The following SYT1 variants were observed in gnomAD, a reference collection of about 807,000 sequenced individuals.
SYT1 encodes synaptotagmin 1.
A neutral mutation model predicts 44.8 loss-of-function variants in SYT1; 8 were observed. That is an observed-to-expected ratio of 0.18 (90% CI 0.10 to 0.32). The LOEUF is 0.32. Ranked by LOEUF, SYT1 falls within the 10% of genes least tolerant of loss-of-function variation. The pLI is 1.00. For synonymous variants in SYT1, 154 were observed against 188.8 expected (o/e 0.82, Z 1.51); for missense variants, 286 against 509.3 (o/e 0.56, Z 4.22).
rs10643941 is a variant in SYT1, at chr12:79,179,456, A to AGAG, written c.-17-38047_-17-38046insGAG. Among the ~76,000 whole-genome samples the AGAG allele has an allele frequency of 1.0e-4, 9 of 86,684 alleles. 1 individual carries two copies. Among genetic ancestry groups the AGAG allele is most frequent in the Non-Finnish European group, 1.5e-4 (7 of 46,524 alleles). The allele number at this position is 86,684 out of a possible 152,430, so 56.9% of individuals were successfully genotyped here. A position where few individuals can be genotyped will look rare whatever the true frequency, so the allele number is the denominator to read the frequency against. ...GATATATCCATATAGATATAGATAT[A>AGAG]ATCTATATAGATATAGATATAGAGA... On this transcript the variant is annotated intron_variant, in intron 3 of 10. Transcript: ENST00000261205.
chr12:78,923,607 A>C (rs575455978), intron 1 of SYT1, among the ~76,000 whole-genome samples: 9 of 152,020 alleles, frequency 5.9e-5, no homozygotes, highest in African/African-American at 2.2e-4. Context: ...CAGAATAGAG[A>C]CAAGAATTGT....
At chr12:79,138,639 T>C (rs1395829199) in intron 3 of SYT1, among the ~76,000 whole-genome samples, 2 of 151,706 alleles carry the variant, frequency 1.3e-5, no homozygotes, top group Non-Finnish European at 2.9e-5. Flanking sequence ...CACATACATA[T>C]TATTTGTGTG....
rs368104245 is a variant in SYT1, at chr12:79,104,551, T to C, written c.-18+57189T>C. On this transcript the variant is annotated intron_variant, in intron 3 of 10. Coordinates refer to ENST00000261205, the MANE Select transcript of SYT1 (RefSeq NM_005639.3). ...TTTAATTTGGATCCTGAAGTATTAG[T>C]AGGCTATTAATAGGCAAGGATCTCT... Among the ~76,000 whole-genome samples, 3 of 152,058 alleles carry C rather than the reference T, an allele frequency of 2.0e-5. No homozygotes were observed. In the East Asian group the frequency reaches 5.8e-4, roughly 29 times the overall value.
chr12:79,013,814 T>C (rs888410430), intron 2 of SYT1, among the ~76,000 whole-genome samples: 1 of 152,118 alleles, frequency 6.6e-6, no homozygotes, highest in Non-Finnish European at 1.5e-5. Flanking sequence ...GATTCTATCA[T>C]TATGTCCATT....
At chr12:79,187,399 C>G (rs1872865143) in intron 3 of SYT1, among the ~76,000 whole-genome samples, 1 of 152,080 alleles carries the variant, frequency 6.6e-6, no homozygotes, top group Admixed American at 6.6e-5. Flanking sequence ...AGCACCTCCA[C>G]TTTCTTTTTC....
intron 8 of SYT1, among the ~76,000 whole-genome samples, chr12:79,327,581 GA>G (rs1221424916): frequency 6.6e-6 from 1 of 152,196 alleles, no homozygotes; most frequent in Non-Finnish European, 1.5e-5. Context: ...ACCAGCAAAG[GA>G]AATGGCTTAT....
intron 3 of SYT1, among the ~76,000 whole-genome samples, chr12:79,157,195 A>T (rs771706517): frequency 7.2e-5 from 11 of 152,212 alleles, no homozygotes; most frequent in Non-Finnish European, 1.5e-4. Context: ...GTCACGCAAG[A>T]CAAAGTGAAC....
At chr12:79,121,586 AC>A (rs1255379438) in intron 3 of SYT1, among the ~76,000 whole-genome samples, 2 of 151,878 alleles carry the variant, frequency 1.3e-5, no homozygotes, top group African/African-American at 4.8e-5. Context: ...AACCACAATC[AC>A]CCCCTCACCC....
At chr12:79,160,695 A>G (rs1277904146) in intron 3 of SYT1, among the ~76,000 whole-genome samples, 1 of 152,142 alleles carries the variant, frequency 6.6e-6, no homozygotes, top group Non-Finnish European at 1.5e-5. Flanking sequence ...TGACCCAAGA[A>G]TAGTTGAAAA....
chr12:78,964,981 A>C (rs570363040), intron 1 of SYT1, among the ~76,000 whole-genome samples: 1 of 152,148 alleles, frequency 6.6e-6, no homozygotes, highest in East Asian at 1.9e-4. Flanking sequence ...TTTATTATTA[A>C]CTATTATTAA....
At chr12:79,384,328 T>C (rs1459278482) in intron 9 of SYT1, among the ~76,000 whole-genome samples, 1 of 152,210 alleles carries the variant, frequency 6.6e-6, no homozygotes, top group Non-Finnish European at 1.5e-5. Context: ...AAAAATTTTG[T>C]AAGATTAGAT....
At chr12:79,206,677 G>C (rs1393236010) in intron 3 of SYT1, among the ~76,000 whole-genome samples, 1 of 152,166 alleles carries the variant, frequency 6.6e-6, no homozygotes, top group Non-Finnish European at 1.5e-5. Flanking sequence ...TGTGCAGTTA[G>C]GAATGCACAG....
chr12:79,432,107 A>G (rs769807662), intron 9 of SYT1, among the ~76,000 whole-genome samples: 1 of 152,164 alleles, frequency 6.6e-6, no homozygotes, highest in Admixed American at 6.5e-5. Flanking sequence ...TAATAAACCA[A>G]CTAACATGTT....
intron 1 of SYT1, among the ~76,000 whole-genome samples, chr12:78,950,525 G>A (rs1878908297): frequency 6.6e-6 from 1 of 152,010 alleles, no homozygotes. Flanking sequence ...CAAAACATTT[G>A]TTTGTAGAAA....
rs142008901 is a variant in SYT1 at position 79,306,879 on chromosome 12, T to C, written c.810+7328T>C. On this transcript the variant is annotated intron_variant, in intron 8 of 10. Coordinates refer to ENST00000261205, the MANE Select transcript of SYT1 (RefSeq NM_005639.3). Reference sequence around the variant, plus strand: ...ATAATGATGTAGACAAGAGCAGCCTTGTTTACATCTGGTTTTTCATATTAC... The same window carrying C: ...ATAATGATGTAGACAAGAGCAGCCTCGTTTACATCTGGTTTTTCATATTAC... Among the ~76,000 whole-genome samples the C allele has an allele frequency of 5.3e-3, 812 of 152,308 alleles. 4 individuals carry two copies. Among genetic ancestry groups the C allele is most frequent in the Non-Finnish European group, 8.3e-3 (566 of 68,024 alleles).
At chr12:79,001,065 A>G (rs1028050960) in intron 2 of SYT1, among the ~76,000 whole-genome samples, 6 of 152,178 alleles carry the variant, frequency 3.9e-5, no homozygotes, top group Admixed American at 2.0e-4. Flanking sequence ...TTATTTGTCC[A>G]TACCTTAATT....
intron 3 of SYT1, among the ~76,000 whole-genome samples, chr12:79,141,984 T>C (rs1869585523): frequency 1.3e-5 from 2 of 152,210 alleles, no homozygotes. Context: ...AATTAGCATA[T>C]TGTTTCTTGG....
chr12:79,451,064 G>A lies in SYT1; in HGVS notation c.*1940G>A, dbSNP rs1295232439. 6.6e-6 allele frequency: 1 copy of A among 152,176 alleles called. No homozygotes were observed. The highest frequency in any genetic ancestry group is 2.4e-5 in the African/African-American group (1 of 41,438). 9.4% of individuals were successfully genotyped at this position (152,176 alleles called of 1,614,324 possible). A position where few individuals can be genotyped will look rare whatever the true frequency, so the allele number is the denominator to read the frequency against. On this transcript the variant is annotated 3_prime_UTR_variant, in exon 11 of 11. Transcript: ENST00000261205. ...ACACCACGTCTTTTCAAAAACTAAAGAGAATTCAAAAAGGGCTGATGGTAG... is the reference window on the plus strand; with the variant it reads ...ACACCACGTCTTTTCAAAAACTAAAAAGAATTCAAAAAGGGCTGATGGTAG...
intron 4 of SYT1, among the ~76,000 whole-genome samples, chr12:79,260,949 C>T (rs925060267): frequency 6.6e-6 from 1 of 152,106 alleles, no homozygotes; most frequent in African/African-American, 2.4e-5. Flanking sequence ...CGTCTACCTG[C>T]AGAAATCCTG....
Sources: gnomAD v4.1 joint callset for allele counts (sites outside exome capture counted in the v4.1 genomes callset) on GRCh38, gnomAD v4.1.1 for gene constraint, MANE v1.5 for transcripts, NCBI Gene and HGNC (gene_info 2026-07-23, HGNC 2026-07-21) for gene names.